MTNAP1: variants seen among roughly 807,000 people sequenced by gnomAD.
MTNAP1 encodes the protein mitochondrial nucleoid associated protein 1, also known as mitochondrial nucleoid-associated protein 1.
the MTNAP1 span, chr17:73,236,062 C>T: frequency 1.2e-6 from 2 of 1,614,124 alleles, no homozygotes; most frequent in Non-Finnish European, 1.7e-6. Flanking sequence ...CTCAACTCTA[C>T]CTAATGATGT....
chr17:73,236,163 T>C, the MTNAP1 span: 24 of 1,614,040 alleles, frequency 1.5e-5, no homozygotes, highest in South Asian at 2.4e-4. Flanking sequence ...CTACTGGTGA[T>C]TGTCATATTT....
the MTNAP1 span, among the ~76,000 whole-genome samples, chr17:73,243,716 T>C: frequency 6.6e-6 from 1 of 152,032 alleles, no homozygotes; most frequent in South Asian, 2.1e-4. Context: ...GTATTTTTAG[T>C]AGAGACAGGG....
chr17:73,242,955 T>C, the MTNAP1 span: 1 of 1,614,116 alleles, frequency 6.2e-7, no homozygotes. Context: ...CACGATGCTC[T>C]TCACAGGATA....
chr17:73,248,812 G>A, the MTNAP1 span: 2 of 379,592 alleles, frequency 5.3e-6, no homozygotes, highest in South Asian at 6.3e-5. Context: ...ACTTGGGAAT[G>A]TGTAGTTTTT....
the MTNAP1 span, among the ~76,000 whole-genome samples, chr17:73,247,029 G>A: frequency 1.2e-4 from 19 of 152,144 alleles, no homozygotes; most frequent in East Asian, 1.5e-3. Flanking sequence ...CAGTTCCCTC[G>A]AGCAGGGGCA....
the MTNAP1 span, chr17:73,244,648 A>C: frequency 1.3e-5 from 2 of 152,182 alleles, no homozygotes; most frequent in African/African-American, 4.8e-5. Flanking sequence ...CAGGTGTAAA[A>C]GTACAAGATA....
the MTNAP1 span, among the ~76,000 whole-genome samples, chr17:73,243,708 A>G: frequency 6.6e-6 from 1 of 151,688 alleles, no homozygotes; most frequent in Non-Finnish European, 1.5e-5. Flanking sequence ...TTGTTTTTGT[A>G]TTTTTAGTAG....
the MTNAP1 span, among the ~76,000 whole-genome samples, chr17:73,234,672 ACT>A: frequency 8.4e-6 from 1 of 119,346 alleles, no homozygotes; most frequent in Non-Finnish European, 1.7e-5. Context: ...ACAGAGTGAG[ACT>A]CTGTCTCAAA....
chr17:73,242,338 A>T, the MTNAP1 span: 1 of 1,585,920 alleles, frequency 6.3e-7, no homozygotes. Flanking sequence ...GGCTCTTGGG[A>T]GCTGTACAAA....
At chr17:73,234,403 A>G in the MTNAP1 span, among the ~76,000 whole-genome samples, 199 of 151,696 alleles carry the variant, frequency 1.3e-3, 1 homozygote, top group African/African-American at 4.4e-3. Flanking sequence ...ACTAGAAACT[A>G]TAAGTAGGCC....
At chr17:73,248,536 C>T in the MTNAP1 span, 1 of 1,551,682 alleles carries the variant, frequency 6.4e-7, no homozygotes, top group Non-Finnish European at 8.7e-7. Flanking sequence ...CCCGAATCTT[C>T]CTGCAAGGTG....
At chr17:73,245,575 A>T in the MTNAP1 span, 1 of 985,342 alleles carries the variant, frequency 1.0e-6, no homozygotes, top group Non-Finnish European at 1.2e-6. Context: ...GAGATACCAG[A>T]CTACTACCTA....
chr17:73,248,826 A>T, the MTNAP1 span: 138 of 356,756 alleles, frequency 3.9e-4, 1 homozygote, highest in African/African-American at 2.7e-3. Flanking sequence ...AGTTTTTCTA[A>T]TGCACATTAA....
chr17:73,245,094 G>A, the MTNAP1 span: 2 of 1,411,734 alleles, frequency 1.4e-6, no homozygotes, highest in Non-Finnish European at 1.0e-6. Flanking sequence ...AGAATGATCT[G>A]TAGAGGCAAA....
At chr17:73,242,242 A>ACAGAAC in the MTNAP1 span, 4 of 1,568,568 alleles carry the variant, frequency 2.6e-6, no homozygotes, top group Non-Finnish European at 3.5e-6. Context: ...TTGGAACCAT[A>ACAGAAC]GTTTCTTTGT....
chr17:73,232,593 C>G, the MTNAP1 span: 1 of 351,312 alleles, frequency 2.8e-6, no homozygotes, highest in Non-Finnish European at 5.1e-6. Flanking sequence ...TTAAAACAGG[C>G]GGACCTATCC....
the MTNAP1 span, chr17:73,245,460 A>G: frequency 8.8e-7 from 1 of 1,134,286 alleles, no homozygotes; most frequent in Non-Finnish European, 1.1e-6. Flanking sequence ...TTGTTTAACC[A>G]TAAAGTTGTT....
At chr17:73,236,047 T>C in the MTNAP1 span, 1 of 1,614,084 alleles carries the variant, frequency 6.2e-7, no homozygotes, top group African/African-American at 1.3e-5. Flanking sequence ...AGATAGAAAA[T>C]ATTCCTCAAC....
At chr17:73,245,050 T>G in the MTNAP1 span, 1 of 917,142 alleles carries the variant, frequency 1.1e-6, no homozygotes, top group Non-Finnish European at 1.7e-6. Context: ...TCATTGTGCT[T>G]AATACTCTAT....
Sources: allele counts gnomAD v4.1 joint callset (sites outside exome capture counted in the v4.1 genomes callset), GRCh38; gene constraint gnomAD v4.1.1; transcripts MANE v1.5; gene names NCBI Gene and HGNC (gene_info 2026-07-23, HGNC 2026-07-21).